SF3B1: variants seen among roughly 807,000 people sequenced by gnomAD.
SF3B1 encodes the protein pre-mRNA processing 10.
Under a neutral mutation model 153.8 loss-of-function variants are expected in SF3B1, and 12 were observed. The ratio of observed to expected loss-of-function variants is 0.08; its 90% CI spans 0.05 to 0.13. The LOEUF is 0.13. Among genes scored for constraint, SF3B1 ranks in the 10% least tolerant of loss-of-function variants. The probability of loss-of-function intolerance (pLI) is 1.00; values close to 1 mark genes in which losing one functional copy is unlikely to be tolerated. For missense variants in SF3B1, 513 were observed against 1,606.1 expected (o/e 0.32, Z 11.63); for synonymous variants, 498 against 525.2 (o/e 0.95, Z 0.71).
intron 22 of SF3B1, among the ~76,000 whole-genome samples, chr2:197,397,628 T>A (rs2084891422): frequency 6.6e-6 from 1 of 152,056 alleles, no homozygotes. Context: ...AAACCTCATC[T>A]CTACTAAAAA....
chr2:197,398,724 C>A, intron 20 of SF3B1, 143 bp from the exon 21 acceptor site: 1 of 741,036 alleles, frequency 1.3e-6, no homozygotes. Flanking sequence ...AGATTCTGAC[C>A]AGACTCAGAA....
At chr2:197,410,501 A>AT (rs573287348) in intron 6 of SF3B1, among the ~76,000 whole-genome samples, 72,501 of 108,136 alleles carry the variant, frequency 0.67, 25,707 homozygotes, top group Middle Eastern at 0.8. Flanking sequence ...CACCTATGTA[A>AT]TTTTTTTTTT....
At position 197,392,091 on chromosome 2, in the gene SF3B1, T is replaced by A. The variant is rs1222109367; in HGVS notation, c.*212A>T. On this transcript the variant is annotated 3_prime_UTR_variant, in exon 25 of 25. Transcript: ENST00000335508. Reference sequence around the variant, plus strand: ...AATGAAATCCCTCCAGTATAGTGTATATAATCACTGTGTTCTTGGTCACTA... The same window carrying A: ...AATGAAATCCCTCCAGTATAGTGTAAATAATCACTGTGTTCTTGGTCACTA... 1 of 363,594 alleles carries A rather than the reference T, an allele frequency of 2.8e-6. No individual in the cohort carries two copies. The highest frequency in any genetic ancestry group is 4.5e-5 in the Admixed American group (1 of 22,328). 22.5% of individuals were successfully genotyped at this position (363,594 alleles called of 1,614,324 possible).
chr2:197,426,634 C>A (rs2085341054), intron 1 of SF3B1, among the ~76,000 whole-genome samples: 1 of 152,176 alleles, frequency 6.6e-6, no homozygotes, highest in Non-Finnish European at 1.5e-5. Context: ...GGACCACCTA[C>A]AAAGAAATGA....
chr2:197,411,671 CAA>C (rs776789273), intron 6 of SF3B1, among the ~76,000 whole-genome samples: 1 of 127,064 alleles, frequency 7.9e-6, no homozygotes, highest in Admixed American at 8.1e-5. Flanking sequence ...GACCCCGTCT[CAA>C]AAAAAAAAAG....
intron 6 of SF3B1, among the ~76,000 whole-genome samples, chr2:197,410,690 G>T (rs1163601741): frequency 6.6e-6 from 1 of 151,758 alleles, no homozygotes; most frequent in Non-Finnish European, 1.5e-5. Flanking sequence ...ATTTTTAGTA[G>T]AAACAGGGTT....
At chr2:197,406,790 G>A (rs868455107) in intron 9 of SF3B1, among the ~76,000 whole-genome samples, 1 of 152,030 alleles carries the variant, frequency 6.6e-6, no homozygotes. Context: ...CAAATAACAG[G>A]GGATCAAAAA....
At chr2:197,411,183 G>T (rs1186495315) in intron 6 of SF3B1, among the ~76,000 whole-genome samples, 1 of 152,080 alleles carries the variant, frequency 6.6e-6, no homozygotes, top group Middle Eastern at 3.2e-3. Context: ...AACATCAAGG[G>T]TTCCACAGTA....
At position 197,391,449 on chromosome 2, in the gene SF3B1, T is replaced by C. The variant is rs2084809011; in HGVS notation, c.*854A>G. On this transcript the variant is annotated 3_prime_UTR_variant, in exon 25 of 25. Coordinates refer to ENST00000335508, the MANE Select transcript of SF3B1 (RefSeq NM_012433.4). ...ATACAGTGGGTGAATAGGTATTTAC[T>C]GATGCATTGCTGAGTAGTGGCTTAT... The C allele has an allele frequency of 6.6e-6, 1 of 152,240 alleles. No individual in the cohort carries two copies. The highest frequency in any genetic ancestry group is 1.5e-5 in the Non-Finnish European group (1 of 68,052). The allele number at this position is 152,240 out of a possible 1,614,324, so 9.4% of individuals were successfully genotyped here.
chr2:197,417,030 C>A (rs528226805), intron 5 of SF3B1, 119 bp from the exon 6 acceptor site: 7 of 947,346 alleles, frequency 7.4e-6, no homozygotes, highest in Non-Finnish European at 1.1e-5. Flanking sequence ...TTTCTATGTA[C>A]TGGTGATCTC....
intron 1 of SF3B1, among the ~76,000 whole-genome samples, chr2:197,424,321 G>A (rs570935726): frequency 6.0e-4 from 91 of 152,006 alleles, no homozygotes; most frequent in South Asian, 1.0e-3. Context: ...AACATATAGC[G>A]AAACCCCGTC....
At chr2:197,408,914 C>T (rs2085028410) in intron 7 of SF3B1, among the ~76,000 whole-genome samples, 1 of 152,084 alleles carries the variant, frequency 6.6e-6, no homozygotes, top group African/African-American at 2.4e-5. Flanking sequence ...CAGAGCAAGA[C>T]TCCATCTCAA....
intron 6 of SF3B1, 78 bp downstream of exon 6, chr2:197,416,663 G>T: frequency 7.8e-7 from 1 of 1,281,482 alleles, no homozygotes; most frequent in Non-Finnish European, 1.1e-6. Context: ...TCTTGCTATG[G>T]CAACCCAAGC....
rs747609692 is a variant in SF3B1 at position 197,396,174 on chromosome 2, G to A, written c.3421C>T (p.Leu1141=). The A allele has an allele frequency of 6.2e-7, 1 of 1,613,944 alleles. No individual in the cohort carries two copies. Among genetic ancestry groups the A allele is most frequent in the South Asian group, 1.1e-5 (1 of 91,078 alleles). The part of the protein sequence containing the change: ...ALMNEYRVPE[L]NVQNGVLKSL... Reference sequence around the variant, plus strand: ...TTTAACACTCCATTTTGAACATTCAGTTCAGGAACTCTGTATTCATTCATT... The same window carrying A: ...TTTAACACTCCATTTTGAACATTCAATTCAGGAACTCTGTATTCATTCATT... The change falls in exon 23 of 25, where the codon CTG becomes TTG. Residue 1141 remains leucine (L), a synonymous_variant. Coordinates refer to ENST00000335508, the MANE Select transcript of SF3B1 (RefSeq NM_012433.4).
chr2:197,393,978 G>T (rs1045024151), intron 23 of SF3B1, among the ~76,000 whole-genome samples: 1 of 152,060 alleles, frequency 6.6e-6, no homozygotes, highest in African/African-American at 2.4e-5. Context: ...GAGGTCAGGA[G>T]GTCAAGACCA....
chr2:197,404,829 T>G, intron 11 of SF3B1: 1 of 340,714 alleles, frequency 2.9e-6, no homozygotes. Flanking sequence ...ATACCAATAG[T>G]TCACTACTAT....
rs563959608 is a variant in SF3B1, at chr2:197,406,283, T to C, written c.1240-811A>G. ...ATAGTAAAAGAAAAAAAATACAACT[T>C]CTTGGAGAGGTCAATAAACCTATAC... On this transcript the variant is annotated intron_variant, in intron 9 of 24. Coordinates refer to ENST00000335508, the MANE Select transcript of SF3B1 (RefSeq NM_012433.4). Among the ~76,000 whole-genome samples, 140 of 151,822 alleles carry C rather than the reference T, an allele frequency of 9.2e-4. 1 individual carries two copies. Among genetic ancestry groups the C allele is most frequent in the African/African-American group, 3.2e-3 (133 of 41,462 alleles).
At chr2:197,398,372 G>T in intron 21 of SF3B1, 89 bp downstream of exon 21, 1 of 1,341,628 alleles carries the variant, frequency 7.5e-7, no homozygotes, top group Non-Finnish European at 1.1e-6. Context: ...TTATATTAGT[G>T]ACATTAAGGA....
intron 1 of SF3B1, among the ~76,000 whole-genome samples, chr2:197,430,597 G>A (rs755501548): frequency 6.6e-5 from 10 of 152,130 alleles, no homozygotes; most frequent in Non-Finnish European, 5.9e-5. Flanking sequence ...GGGATTACAG[G>A]CACGCACCAC....
Sources: gnomAD v4.1 joint callset for allele counts (sites outside exome capture counted in the v4.1 genomes callset) on GRCh38, gnomAD v4.1.1 for gene constraint, MANE v1.5 for transcripts, NCBI Gene and HGNC (gene_info 2026-07-23, HGNC 2026-07-21) for gene names.